The following NELL1 variants were observed in gnomAD, a reference collection of about 807,000 sequenced individuals.
NELL1 encodes the protein neural EGFL like 1, also known as protein kinase C-binding protein NELL1.
NELL1 carries 76 observed loss-of-function variants against 107.4 expected under a neutral mutation model. That is an observed-to-expected ratio of 0.71 (90% CI 0.59 to 0.86). The LOEUF is 0.86. Among genes scored for constraint, NELL1 ranks in the 40% least tolerant of loss-of-function variants. NELL1 has a pLI of 0.00. For missense variants in NELL1, 1,024 were observed against 1,005.5 expected (o/e 1.02, Z -0.25); for synonymous variants, 353 against 341.2 (o/e 1.03, Z -0.38).
chr11:21,572,426 C>G (rs1041183518), intron 18 of NELL1, among the ~76,000 whole-genome samples: 1 of 147,186 alleles, frequency 6.8e-6, no homozygotes, highest in African/African-American at 2.7e-5. Context: ...ATGGCCTATA[C>G]CTACACAAAG....
intron 15 of NELL1, among the ~76,000 whole-genome samples, chr11:21,440,109 G>T (rs1590933502): frequency 6.6e-6 from 1 of 152,034 alleles, no homozygotes; most frequent in Non-Finnish European, 1.5e-5. Context: ...TTAATTCATA[G>T]AATTCCAGGA....
chr11:20,990,534 T>C (rs58971017), intron 12 of NELL1, among the ~76,000 whole-genome samples: 4,970 of 152,276 alleles, frequency 0.033, 264 homozygotes, highest in African/African-American at 0.11. Context: ...CCAGCATTTT[T>C]CTCTCCATGC....
rs577629831 is a variant in NELL1 at position 21,124,117 on chromosome 11, A to G, written c.1426+10403A>G. Among the ~76,000 whole-genome samples the G allele has an allele frequency of 2.6e-5, 4 of 152,258 alleles. No individual in the cohort carries two copies. The East Asian group carries it at 7.7e-4, about 29-fold the overall frequency. ...GTTAAACATGATACTTTTTCTTTAT[A>G]CTCTATATATTTTCTAAATTTTCTG... On this transcript the variant is annotated intron_variant, in intron 13 of 19. Transcript: ENST00000357134.
intron 4 of NELL1, among the ~76,000 whole-genome samples, chr11:20,856,540 T>C (rs1663881132): frequency 6.6e-6 from 1 of 152,212 alleles, no homozygotes; most frequent in African/African-American, 2.4e-5. Context: ...TTACCCAGAA[T>C]GGAATTTTAT....
At chr11:21,017,104 CA>C (rs1852583008) in intron 12 of NELL1, among the ~76,000 whole-genome samples, 1 of 152,084 alleles carries the variant, frequency 6.6e-6, no homozygotes, top group Non-Finnish European at 1.5e-5. Context: ...TGCAGAGAAA[CA>C]GGAACACTTT....
At chr11:20,713,412 T>G (rs1855161211) in intron 2 of NELL1, among the ~76,000 whole-genome samples, 1 of 152,122 alleles carries the variant, frequency 6.6e-6, no homozygotes, top group African/African-American at 2.4e-5. Context: ...GGATTATGGC[T>G]GCCTCTTCTG....
intron 4 of NELL1, among the ~76,000 whole-genome samples, chr11:20,856,377 T>G (rs1219223168): frequency 6.6e-6 from 1 of 152,182 alleles, no homozygotes; most frequent in Non-Finnish European, 1.5e-5. Context: ...TGTCTCTAAC[T>G]CTCCCTCAGG....
intron 18 of NELL1, among the ~76,000 whole-genome samples, chr11:21,572,228 C>CATAG (rs74832547): frequency 0.011 from 1,599 of 151,900 alleles, 15 homozygotes; most frequent in Non-Finnish European, 0.016. Context: ...ATGAAATTTT[C>CATAG]ATAGATAGAA....
chr11:21,422,159 G>T (rs1199462147), intron 15 of NELL1, among the ~76,000 whole-genome samples: 2 of 152,076 alleles, frequency 1.3e-5, no homozygotes, highest in East Asian at 3.9e-4. Flanking sequence ...GCAAGAGAGA[G>T]AGAAGAAGAG....
chr11:21,298,739 G>A (rs988263011), intron 14 of NELL1, among the ~76,000 whole-genome samples: 2 of 151,944 alleles, frequency 1.3e-5, no homozygotes, highest in Non-Finnish European at 2.9e-5. Flanking sequence ...GTGCCATCAG[G>A]AAATGGTCAA....
intron 3 of NELL1, among the ~76,000 whole-genome samples, chr11:20,846,469 T>C (rs1487264666): frequency 1.3e-5 from 2 of 152,096 alleles, no homozygotes; most frequent in African/African-American, 2.4e-5. Context: ...AATCTAGGGG[T>C]TAAGCCTAGT....
At chr11:20,775,199 G>T (rs1856725761) in intron 2 of NELL1, among the ~76,000 whole-genome samples, 1 of 152,046 alleles carries the variant, frequency 6.6e-6, no homozygotes, top group African/African-American at 2.4e-5. Context: ...GCTCCCAATT[G>T]CTGACAAAAT....
Position 21,504,711 on chromosome 11 carries a change from T to A in NELL1, c.1646-29663T>A, listed in dbSNP as rs4347390. 0.014 allele frequency among the ~76,000 whole-genome samples: 2,146 copies of A among 152,258 alleles called. 149 individuals are homozygous for A. In the East Asian group the frequency reaches 0.23, roughly 16 times the overall value. On this transcript the variant is annotated intron_variant, in intron 15 of 19. Coordinates refer to ENST00000357134, the MANE Select transcript of NELL1 (RefSeq NM_006157.5). ...TCCAGGGAGAATGTATACTACTCTA[T>A]ATTTGATTTCAGTGTATTTATTTTA...
At chr11:21,492,485 T>C (rs1854849449) in intron 15 of NELL1, among the ~76,000 whole-genome samples, 1 of 151,536 alleles carries the variant, frequency 6.6e-6, no homozygotes, top group African/African-American at 2.4e-5. Context: ...AGCAAAGACT[T>C]GGAACCAACC....
chr11:20,961,439 G>A (rs1851288617), intron 12 of NELL1, among the ~76,000 whole-genome samples: 2 of 152,166 alleles, frequency 1.3e-5, no homozygotes, highest in Admixed American at 1.3e-4. Flanking sequence ...TATTCCTGCT[G>A]TCTTCATTAA....
intron 14 of NELL1, among the ~76,000 whole-genome samples, chr11:21,277,671 T>G (rs1848898871): frequency 6.6e-6 from 1 of 152,202 alleles, no homozygotes; most frequent in Admixed American, 6.5e-5. Context: ...AGTGATAGAC[T>G]GGATTAAGAA....
At chr11:21,016,959 C>A (rs1337901084) in intron 12 of NELL1, among the ~76,000 whole-genome samples, 1 of 152,028 alleles carries the variant, frequency 6.6e-6, no homozygotes, top group Non-Finnish European at 1.5e-5. Context: ...TATTTAATTT[C>A]TCTGGTCTCA....
chr11:20,703,602 T>G (rs1383023040), intron 2 of NELL1, among the ~76,000 whole-genome samples: 1 of 152,234 alleles, frequency 6.6e-6, no homozygotes, highest in African/African-American at 2.4e-5. Flanking sequence ...TGTTAGGGTG[T>G]CAATTTTAGA....
At chr11:20,743,080 C>T (rs181607743) in intron 2 of NELL1, among the ~76,000 whole-genome samples, 27 of 152,066 alleles carry the variant, frequency 1.8e-4, no homozygotes, top group South Asian at 4.2e-4. Flanking sequence ...TGGGTGGGCA[C>T]GGGAGCTCAC....
Sources: allele counts gnomAD v4.1 joint callset (sites outside exome capture counted in the v4.1 genomes callset), GRCh38; gene constraint gnomAD v4.1.1; transcripts MANE v1.5; gene names NCBI Gene and HGNC (gene_info 2026-07-23, HGNC 2026-07-21).